The following PTDSS1 variants were observed in gnomAD, a reference collection of about 807,000 sequenced individuals.
PTDSS1 encodes the protein phosphatidylserine synthase 1.
In PTDSS1, 45 loss-of-function variants were observed where a neutral mutation model predicts 70.5. That is an observed-to-expected ratio of 0.64 (90% CI 0.50 to 0.82). The LOEUF (loss-of-function observed/expected upper bound fraction) is 0.82. Among genes scored for constraint, PTDSS1 ranks in the 40% least tolerant of loss-of-function variants. The pLI, the probability that PTDSS1 is intolerant of heterozygous loss-of-function variation, is 0.00. For synonymous variants in PTDSS1, 188 were observed against 203.8 expected, an observed-to-expected ratio of 0.92 and a Z score of 0.66; for missense variants, 417 against 586.1, an observed-to-expected ratio of 0.71 and a Z score of 2.98.
At chr8:96,331,716 G>A (rs957881230) in intron 12 of PTDSS1, among the ~76,000 whole-genome samples, 5 of 152,120 alleles carry the variant, frequency 3.3e-5, no homozygotes, top group African/African-American at 1.2e-4. Flanking sequence ...ACCCTGATGG[G>A]AACGTTCTTC....
chr8:96,271,092 G>T (rs1810559515), intron 1 of PTDSS1, among the ~76,000 whole-genome samples: 1 of 152,166 alleles, frequency 6.6e-6, no homozygotes, highest in Non-Finnish European at 1.5e-5. Flanking sequence ...GTCGCTTGAA[G>T]TCCAAGATAC....
chr8:96,307,471 A>C (rs987275417), intron 8 of PTDSS1, among the ~76,000 whole-genome samples: 29 of 149,132 alleles, frequency 1.9e-4, no homozygotes, highest in Admixed American at 1.7e-3. Context: ...AAAAAAAAAA[A>C]AAAAAAAACC....
rs747621994 is a variant in PTDSS1 at position 96,262,586 on chromosome 8, C to T, written c.179+367C>T. Reference sequence around the variant, plus strand: ...CAGCCTTCGTCCCTACCCAGCACACCGCATGAATCATGTCGTATGCACCAC... The same window carrying T: ...CAGCCTTCGTCCCTACCCAGCACACTGCATGAATCATGTCGTATGCACCAC... On this transcript the variant is annotated intron_variant, in intron 1 of 12. Transcript: ENST00000517309. This position sits in a 1 kb window ranked among gnomAD's most constrained non-coding sequence, Gnocchi z 4.4. 4.6e-5 allele frequency among the ~76,000 whole-genome samples: 7 copies of T among 152,136 alleles called. No individual in the cohort carries two copies. Among genetic ancestry groups the T allele is most frequent in the Non-Finnish European group, 1.0e-4 (7 of 68,022 alleles).
intron 5 of PTDSS1, 87 bp from the exon 6 acceptor site, chr8:96,299,607 A>G (rs780471479): frequency 7.5e-7 from 1 of 1,326,404 alleles, no homozygotes; most frequent in Non-Finnish European, 1.0e-6. Flanking sequence ...CTTCTAAAAT[A>G]ATGTATTGTT....
At chr8:96,287,960 C>T (rs779779942) in intron 4 of PTDSS1, among the ~76,000 whole-genome samples, 4 of 152,102 alleles carry the variant, frequency 2.6e-5, no homozygotes, top group Admixed American at 6.6e-5. Flanking sequence ...GGGCCCAGTT[C>T]CATAAGACTG....
rs149631618 is a variant in PTDSS1 at position 96,319,022 on chromosome 8, T to A, written c.1074-1224T>A. 1.6e-3 allele frequency among the ~76,000 whole-genome samples: 232 copies of A among 149,244 alleles called. 1 individual carries two copies. The highest frequency in any genetic ancestry group is 5.4e-3 in the African/African-American group (219 of 40,562). On this transcript the variant is annotated intron_variant, in intron 9 of 12. Transcript: ENST00000517309. ...TCCACTTCTCAGGCTCAAGTGATTC[T>A]CCTGCCTCAGCCTCCCGAGTAGCTG... is the stretch of plus-strand genomic sequence containing the variant.
chr8:96,274,429 T>TA (rs1276293430), intron 2 of PTDSS1, among the ~76,000 whole-genome samples: 1 of 152,002 alleles, frequency 6.6e-6, no homozygotes, highest in Non-Finnish European at 1.5e-5. Context: ...ATCTAGAAGA[T>TA]AGAGTAGAAA....
At chr8:96,305,576 C>A (rs972333025) in intron 7 of PTDSS1, among the ~76,000 whole-genome samples, 21 of 152,212 alleles carry the variant, frequency 1.4e-4, no homozygotes, top group African/African-American at 4.6e-4. Context: ...TTGGACCAAC[C>A]CTTCATACCT....
chr8:96,286,476 G>T (rs1329055253), intron 3 of PTDSS1, among the ~76,000 whole-genome samples: 1 of 152,172 alleles, frequency 6.6e-6, no homozygotes, highest in Non-Finnish European at 1.5e-5. Flanking sequence ...TACACTGGTA[G>T]TACTGTCCAC....
intron 9 of PTDSS1, among the ~76,000 whole-genome samples, chr8:96,319,351 T>A (rs1401197995): frequency 1.3e-5 from 2 of 152,196 alleles, no homozygotes; most frequent in Non-Finnish European, 2.9e-5. Context: ...CATGGCCAAC[T>A]ATGTCAACCT....
rs751508988 is a variant in PTDSS1, at chr8:96,287,037, A to G, written c.332A>G (p.Tyr111Cys). 1.9e-6 allele frequency: 3 copies of G among 1,613,928 alleles called. No individual in the cohort carries two copies. Among genetic ancestry groups the G allele is most frequent in the African/African-American group, 1.3e-5 (1 of 74,912 alleles). The change falls in exon 4 of 13, where the codon TAC (tyrosine) becomes TGC (cysteine). Residue 111 changes from tyrosine to cysteine, a missense_variant. Tyr to Cys is a radical substitution (Grantham distance 194). This residue lies in a region of PTDSS1 where 272 missense variants were observed against 429.5 expected (regional missense o/e 0.63). Transcript: ENST00000517309. Reference sequence around the variant, plus strand: ...TTTCTCTCAGGACTCAGTGTGCTCTACTTCCTGTTCCTGGTATTCCTACTC... The same window carrying G: ...TTTCTCTCAGGACTCAGTGTGCTCTGCTTCCTGTTCCTGGTATTCCTACTC... ...WRMVFGLSVL[Y>C]FLFLVFLLFL...
At chr8:96,295,563 C>T (rs975506560) in intron 5 of PTDSS1, among the ~76,000 whole-genome samples, 2 of 152,140 alleles carry the variant, frequency 1.3e-5, no homozygotes, top group African/African-American at 4.8e-5. Context: ...AATGAGGAGA[C>T]CTGCTTAGAA....
At chr8:96,309,464 G>T in intron 8 of PTDSS1, 93 bp from the exon 9 acceptor site, 2 of 1,124,566 alleles carry the variant, frequency 1.8e-6, no homozygotes, top group South Asian at 2.6e-5. Flanking sequence ...GGGACAAGGA[G>T]GGACGTTTTT....
At chr8:96,271,266 A>C (rs1159669703) in intron 1 of PTDSS1, among the ~76,000 whole-genome samples, 2 of 152,040 alleles carry the variant, frequency 1.3e-5, no homozygotes, top group Admixed American at 1.3e-4. Context: ...CACATTCCCC[A>C]CCTTGTTTTG....
At chr8:96,265,584 C>CA (rs1554581696) in intron 1 of PTDSS1, among the ~76,000 whole-genome samples, 1 of 151,844 alleles carries the variant, frequency 6.6e-6, no homozygotes, top group South Asian at 2.1e-4. Flanking sequence ...TCTCTACAAA[C>CA]AAACAAAACA....
At chr8:96,279,935 T>C (rs1302201564) in intron 2 of PTDSS1, among the ~76,000 whole-genome samples, 1 of 152,120 alleles carries the variant, frequency 6.6e-6, no homozygotes, top group South Asian at 2.1e-4. Flanking sequence ...CTCTAACTAA[T>C]AATAATCAAA....
chr8:96,288,625 CTTTTTTT>C (rs777705401), intron 4 of PTDSS1, among the ~76,000 whole-genome samples: 51 of 84,662 alleles, frequency 6.0e-4, no homozygotes, highest in African/African-American at 2.8e-3. Flanking sequence ...CACGCTTGGC[CTTTTTTT>C]TTTTTTTTTT....
chr8:96,263,264 G>A (rs2129976146), intron 1 of PTDSS1, among the ~76,000 whole-genome samples: 1 of 152,166 alleles, frequency 6.6e-6, no homozygotes, highest in East Asian at 1.9e-4. Context: ...ATTCATCCTT[G>A]GTTCATAAGG....
At chr8:96,326,771 G>T (rs960780094) in intron 10 of PTDSS1, among the ~76,000 whole-genome samples, 1 of 152,226 alleles carries the variant, frequency 6.6e-6, no homozygotes, top group East Asian at 1.9e-4. Flanking sequence ...GGCTGGGAGA[G>T]TCTAGAGGGA....
Sources: allele counts gnomAD v4.1 joint callset (sites outside exome capture counted in the v4.1 genomes callset), GRCh38; gene constraint gnomAD v4.1.1; regional missense constraint gnomAD v4.1.1; non-coding constraint Gnocchi (gnomAD v3.1); transcripts MANE v1.5; gene names NCBI Gene and HGNC (gene_info 2026-07-23, HGNC 2026-07-21).